ADGRG1: variants seen among roughly 807,000 people sequenced by gnomAD.
The protein encoded by ADGRG1 is 7-transmembrane protein with no EGF-like N-terminal domains-1.
ADGRG1 carries 53 observed loss-of-function variants against 73.5 expected under a neutral mutation model. The observed-to-expected ratio is 0.72, with a 90% CI of 0.58 to 0.91. The LOEUF is 0.91. ADGRG1 is among the 40% of genes least tolerant of loss of function. The pLI, the probability that ADGRG1 is intolerant of heterozygous loss-of-function variation, is 0.00. For synonymous variants in ADGRG1, 394 were observed against 374.4 expected (o/e 1.05, Z -0.60); for missense variants, 795 against 871.8 (o/e 0.91, Z 1.11).
intron 1 of ADGRG1, among the ~76,000 whole-genome samples, chr16:57,644,715 TCA>T (rs1430637693): frequency 1.8e-5 from 1 of 55,768 alleles, no homozygotes; most frequent in Non-Finnish European, 3.5e-5. Context: ...CACACACTGA[TCA>T]CACGCACTGG....
chr16:57,655,934 C>G lies in ADGRG1; in HGVS notation c.959C>G (p.Thr320Ser), dbSNP rs1246492479. The change falls in exon 7 of 14, where the codon ACC becomes AGC. Residue 320 changes from threonine to serine, a missense_variant. By Grantham distance (58) the Thr-to-Ser change is moderately conservative (BLOSUM62 1). Coordinates refer to ENST00000562631, the MANE Select transcript of ADGRG1 (RefSeq NM_201525.4). Reference protein sequence around the residue: ...EKVLGIVVQNTKVANLTEPVV... With the variant: ...EKVLGIVVQNSKVANLTEPVV... ...GTCTTGGGGATTGTGGTACAGAACA[C>G]CAAAGTAGCCAACCTCACGGAGCCC... 1 of 1,614,174 alleles carries G rather than the reference C, an allele frequency of 6.2e-7. No homozygotes were observed.
chr16:57,641,043 G>C, intron 1 of ADGRG1: 1 of 985,442 alleles, frequency 1.0e-6, no homozygotes, highest in Non-Finnish European at 1.2e-6. Flanking sequence ...CATCCTCTTT[G>C]TCCCTTGCTA....
At chr16:57,623,915 T>C (rs1000056356), upstream of ADGRG1, 1 of 727,126 alleles carries the variant, frequency 1.4e-6, no homozygotes, top group African/African-American at 1.9e-5. Context: ...GCCAACTTGC[T>C]GCAAAGCTTT....
upstream of ADGRG1, chr16:57,620,161 G>T (rs1442192446): frequency 6.6e-6 from 1 of 152,398 alleles, no homozygotes; most frequent in Non-Finnish European, 1.5e-5. Context: ...GGGGACAGGG[G>T]TGGGAAAGAT....
rs191783801 is a variant in ADGRG1 at position 57,641,416 on chromosome 16, A to C, written c.-35-8837A>C. 5.8e-5 allele frequency: 57 copies of C among 980,218 alleles called. No individual in the cohort carries two copies. In the African/African-American group the frequency reaches 9.6e-4, roughly 17 times the overall value. The allele number at this position is 980,218 out of a possible 1,614,324, so 60.7% of individuals were successfully genotyped here. A position where few individuals can be genotyped will look rare whatever the true frequency, so the allele number is the denominator to read the frequency against. ...CGTGGCTGCAGACCACCCCAGGAGCATAAGCTGAACAGGCCTGGCACCAGA... is the reference window on the plus strand; with the variant it reads ...CGTGGCTGCAGACCACCCCAGGAGCCTAAGCTGAACAGGCCTGGCACCAGA... On this transcript the variant is annotated intron_variant, in intron 1 of 13. Coordinates refer to ENST00000562631, the MANE Select transcript of ADGRG1 (RefSeq NM_201525.4).
intron 1 of ADGRG1, chr16:57,634,158 C>T: frequency 4.1e-6 from 4 of 985,122 alleles, no homozygotes; most frequent in Non-Finnish European, 4.8e-6. Context: ...TCACCCTAGG[C>T]CCCTGGGAGC....
chr16:57,623,071 C>A (rs1374276279), upstream of ADGRG1: 4 of 984,332 alleles, frequency 4.1e-6, no homozygotes, highest in Non-Finnish European at 4.8e-6. Context: ...CAGCTCTAAT[C>A]CTGTGTGACC....
chr16:57,639,510 G>A (rs547795219), intron 1 of ADGRG1: 1 of 985,440 alleles, frequency 1.0e-6, no homozygotes, highest in Middle Eastern at 5.2e-4. Context: ...AGCAGTGGCT[G>A]GGGTGGCCCA....
intron 1 of ADGRG1, chr16:57,639,800 ATCCCTTCCCCTTT>A: frequency 1.2e-6 from 1 of 809,564 alleles, no homozygotes; most frequent in Non-Finnish European, 1.5e-6. Context: ...CTTCCTCCCC[ATCCCTTCCCCTTT>A]ATCTTTTTCC....
At chr16:57,637,886 GT>G (rs1280042081) in intron 1 of ADGRG1, among the ~76,000 whole-genome samples, 2 of 152,192 alleles carry the variant, frequency 1.3e-5, no homozygotes, top group African/African-American at 4.8e-5. Context: ...TTCCCCACTT[GT>G]GCTCTGAGAA....
chr16:57,656,088 C>T (rs779659112), intron 7 of ADGRG1, 96 bp downstream of exon 7: 153 of 1,613,196 alleles, frequency 9.5e-5, no homozygotes, highest in African/African-American at 5.6e-4. Context: ...TATAATGAAA[C>T]GATTGCCTGA....
chr16:57,628,959 T>TGAGTGAGA (rs1214768670), intron 1 of ADGRG1, 157 bp downstream of exon 1: 1 of 589,140 alleles, frequency 1.7e-6, no homozygotes, highest in Non-Finnish European at 2.1e-6. Context: ...TGTGAGAGTG[T>TGAGTGAGA]GTGAGTGTGA....
upstream of ADGRG1, chr16:57,625,689 G>C (rs1423314346): frequency 1.0e-6 from 1 of 983,044 alleles, no homozygotes; most frequent in African/African-American, 1.7e-5. Context: ...GCTATCTGTA[G>C]GTCTGAAGAC....
chr16:57,644,389 CAT>C (rs371665344), intron 1 of ADGRG1, among the ~76,000 whole-genome samples: 111 of 148,194 alleles, frequency 7.5e-4, no homozygotes, highest in South Asian at 5.4e-3. Context: ...TGCACACAGA[CAT>C]ATGCACACTA....
At chr16:57,639,577 C>T in intron 1 of ADGRG1, 1 of 985,098 alleles carries the variant, frequency 1.0e-6, no homozygotes, top group Non-Finnish European at 1.2e-6. Flanking sequence ...GACCCACCAG[C>T]CCCGCAGGCT....
At chr16:57,643,625 C>T in intron 1 of ADGRG1, 1 of 984,110 alleles carries the variant, frequency 1.0e-6, no homozygotes, top group Non-Finnish European at 1.2e-6. Context: ...AGTGAGTGGG[C>T]CAGGCCTGGG....
intron 5 of ADGRG1, 81 bp from the exon 6 acceptor site, chr16:57,655,318 G>GGTGTGT: frequency 5.2e-6 from 8 of 1,534,880 alleles, no homozygotes; most frequent in South Asian, 1.2e-5. Context: ...GGAACGGATG[G>GGTGTGT]GTGTGTGTGT....
intron 1 of ADGRG1, chr16:57,647,304 C>T: frequency 1.0e-6 from 1 of 985,306 alleles, no homozygotes; most frequent in South Asian, 4.7e-5. Flanking sequence ...AAGCTTCATG[C>T]TCTAAGAATT....
chr16:57,621,194 A>G (rs1031196302), intron 1 of ADGRG1: 3 of 152,014 alleles, frequency 2.0e-5, no homozygotes, highest in African/African-American at 7.3e-5. Context: ...TCATTGCTCC[A>G]TTACGCCTTC....
Sources: gnomAD v4.1 joint callset for allele counts (sites outside exome capture counted in the v4.1 genomes callset) on GRCh38, gnomAD v4.1.1 for gene constraint, MANE v1.5 for transcripts, NCBI Gene and HGNC (gene_info 2026-07-23, HGNC 2026-07-21) for gene names.